NALCN: variants seen among roughly 807,000 people sequenced by gnomAD.
NALCN encodes sodium leak channel NALCN.
A neutral mutation model predicts 225.3 loss-of-function variants in NALCN; 111 were observed. The observed-to-expected ratio is 0.49, with a 90% CI of 0.42 to 0.58. The LOEUF (loss-of-function observed/expected upper bound fraction) is 0.58. NALCN is among the 20% of genes least tolerant of loss of function. NALCN has a pLI of 0.00. For synonymous variants in NALCN, 764 were observed against 769.0 expected, an observed-to-expected ratio of 0.99 and a Z score of 0.11; for missense variants, 1,378 against 2,202.4, an observed-to-expected ratio of 0.63 and a Z score of 7.49.
At chr13:101,340,635 C>T (rs1256568807) in intron 7 of NALCN, among the ~76,000 whole-genome samples, 1 of 152,114 alleles carries the variant, frequency 6.6e-6, no homozygotes, top group Non-Finnish European at 1.5e-5. Flanking sequence ...AATTACTTTC[C>T]TAAGGCTGTC....
At chr13:101,306,819 A>G (rs757573295) in intron 7 of NALCN, among the ~76,000 whole-genome samples, 9 of 152,164 alleles carry the variant, frequency 5.9e-5, no homozygotes, top group African/African-American at 9.7e-5. Context: ...TGTGGGTTGG[A>G]TCCTGCCCTC....
intron 13 of NALCN, among the ~76,000 whole-genome samples, chr13:101,200,859 T>C (rs910723494): frequency 2.6e-5 from 4 of 152,180 alleles, no homozygotes; most frequent in African/African-American, 9.7e-5. Context: ...AAAAATATCA[T>C]GGATGACCTT....
intron 11 of NALCN, among the ~76,000 whole-genome samples, chr13:101,258,233 C>T (rs542282483): frequency 1.3e-5 from 2 of 152,258 alleles, no homozygotes; most frequent in East Asian, 3.9e-4. Context: ...ACGTGACATA[C>T]TGTGAGGAAG....
chr13:101,131,825 A>T (rs948711234), intron 17 of NALCN, among the ~76,000 whole-genome samples: 1 of 152,148 alleles, frequency 6.6e-6, no homozygotes, highest in African/African-American at 2.4e-5. Context: ...TTTTGTTTTC[A>T]TGTGGGAATT....
At chr13:101,120,239 C>T (rs745722100) in intron 18 of NALCN, among the ~76,000 whole-genome samples, 1 of 152,014 alleles carries the variant, frequency 6.6e-6, no homozygotes, top group Non-Finnish European at 1.5e-5. Flanking sequence ...GAACTAAGAC[C>T]CCTGGCAGCT....
intron 1 of NALCN, among the ~76,000 whole-genome samples, chr13:101,415,208 C>CACACACATATATATATATAT (rs1555349509): frequency 3.7e-5 from 4 of 107,826 alleles, no homozygotes; most frequent in African/African-American, 2.2e-4. Flanking sequence ...AAATCACACA[C>CACACACATATATATATATAT]ATATATATAT....
chr13:101,103,578 G>GTA (rs1363742186), intron 25 of NALCN, among the ~76,000 whole-genome samples: 1 of 147,582 alleles, frequency 6.8e-6, no homozygotes, highest in African/African-American at 2.5e-5. Flanking sequence ...GTGTGTGTGT[G>GTA]TACACCAGTG....
At chr13:101,313,203 G>A (rs370893386) in intron 7 of NALCN, among the ~76,000 whole-genome samples, 11,059 of 151,612 alleles carry the variant, frequency 0.073, 499 homozygotes, top group African/African-American at 0.12. Flanking sequence ...AAAGACTTAC[G>A]TGTTAGACCT....
chr13:101,294,123 C>T (rs1167176962), intron 7 of NALCN, among the ~76,000 whole-genome samples: 1 of 152,036 alleles, frequency 6.6e-6, no homozygotes, highest in Non-Finnish European at 1.5e-5. Context: ...AAATTGAACC[C>T]ATATCATCAG....
chr13:101,338,102 G>A (rs2045440785), intron 7 of NALCN, among the ~76,000 whole-genome samples: 1 of 152,170 alleles, frequency 6.6e-6, no homozygotes, highest in South Asian at 2.1e-4. Context: ...ACTGTCTGAT[G>A]GACAATTAGT....
chr13:101,106,710 C>G (rs1043407766), intron 22 of NALCN, among the ~76,000 whole-genome samples: 13 of 152,150 alleles, frequency 8.5e-5, no homozygotes, highest in African/African-American at 3.1e-4. Flanking sequence ...TTTCACTTCC[C>G]TCTCTTGTCT....
At chr13:101,211,430 T>C (rs768037935) in intron 13 of NALCN, among the ~76,000 whole-genome samples, 10 of 151,904 alleles carry the variant, frequency 6.6e-5, no homozygotes, top group Non-Finnish European at 1.3e-4. Context: ...GATATTAATA[T>C]ACAACAGCAG....
At chr13:101,378,159 T>C (rs949117679) in intron 4 of NALCN, among the ~76,000 whole-genome samples, 11 of 152,184 alleles carry the variant, frequency 7.2e-5, no homozygotes, top group African/African-American at 2.6e-4. Context: ...AGCTAATAAT[T>C]TTCTATAGTA....
At chr13:101,278,566 T>A (rs1373384041) in intron 10 of NALCN, among the ~76,000 whole-genome samples, 1 of 151,662 alleles carries the variant, frequency 6.6e-6, no homozygotes, top group Non-Finnish European at 1.5e-5. Context: ...TGGGTTCTTT[T>A]CAATGATGCT....
At chr13:101,398,897 C>T (rs2047388338) in intron 2 of NALCN, 122 bp downstream of exon 2, 1 of 627,782 alleles carries the variant, frequency 1.6e-6, no homozygotes, top group Non-Finnish European at 2.9e-6. Flanking sequence ...AGACTCTGAA[C>T]CTCATCCATA....
At chr13:101,315,480 A>G (rs2044521519) in intron 7 of NALCN, among the ~76,000 whole-genome samples, 1 of 152,196 alleles carries the variant, frequency 6.6e-6, no homozygotes, top group East Asian at 1.9e-4. Flanking sequence ...AAGAAATGGT[A>G]GTAGGCCTAG....
chr13:101,280,693 G>A (rs185750069), intron 10 of NALCN, among the ~76,000 whole-genome samples: 48 of 152,116 alleles, frequency 3.2e-4, no homozygotes, highest in African/African-American at 1.2e-3. Flanking sequence ...ATAAAGCATG[G>A]GGCTAGGAGC....
At chr13:101,363,686 GGA>G (rs2046309342) in intron 6 of NALCN, among the ~76,000 whole-genome samples, 1 of 151,864 alleles carries the variant, frequency 6.6e-6, no homozygotes, top group Admixed American at 6.6e-5. Context: ...ATTTTTGGGG[GGA>G]CAAAATCTGA....
chr13:101,331,999 T>C (rs1045989512), intron 7 of NALCN, among the ~76,000 whole-genome samples: 1 of 152,148 alleles, frequency 6.6e-6, no homozygotes, highest in Non-Finnish European at 1.5e-5. Context: ...TCCTCCTTGG[T>C]TGTGGTCATT....
Sources: gnomAD v4.1 joint callset for allele counts (sites outside exome capture counted in the v4.1 genomes callset) on GRCh38, gnomAD v4.1.1 for gene constraint, MANE v1.5 for transcripts, NCBI Gene and HGNC (gene_info 2026-07-23, HGNC 2026-07-21) for gene names.